The following SH3GL2 variants were observed in gnomAD, a reference collection of about 807,000 sequenced individuals.
SH3GL2 encodes the protein SH3 domain containing GRB2 like 2, endophilin A1.
SH3GL2 carries 24 observed loss-of-function variants against 46.0 expected under a neutral mutation model. The observed-to-expected ratio is 0.52, with a 90% CI of 0.38 to 0.73. The LOEUF is 0.73. Ranked by LOEUF, SH3GL2 falls within the 30% of genes least tolerant of loss-of-function variation. The probability of loss-of-function intolerance (pLI) is 0.00; values close to 1 mark genes in which losing one functional copy is unlikely to be tolerated. For missense variants in SH3GL2, 413 were observed against 424.2 expected (o/e 0.97, Z 0.23); for synonymous variants, 196 against 147.1 (o/e 1.33, Z -2.40).
chr9:17,795,349 G>A (rs1824245361), intron 8 of SH3GL2, among the ~76,000 whole-genome samples, 195 bp from the exon 9 acceptor site: 1 of 152,216 alleles, frequency 6.6e-6, no homozygotes, highest in Non-Finnish European at 1.5e-5. Flanking sequence ...AGCTTCTGAG[G>A]ATTGGTAGAG....
rs940708579 is a variant in SH3GL2 at position 17,588,496 on chromosome 9, A to G, written c.45+9209A>G. On this transcript the variant is annotated intron_variant, in intron 1 of 8. Transcript: ENST00000380607. Reference sequence around the variant, plus strand: ...AAAAATCAGAGAGATTGGAAGTATGAGCAGGACTGGACATGCTGTTGTTGG... The same window carrying G: ...AAAAATCAGAGAGATTGGAAGTATGGGCAGGACTGGACATGCTGTTGTTGG... 3.9e-5 allele frequency among the ~76,000 whole-genome samples: 6 copies of G among 152,190 alleles called. No homozygotes were observed. The East Asian group carries it at 1.2e-3, about 29-fold the overall frequency.
chr9:17,594,404 C>G (rs1818535592), intron 1 of SH3GL2, among the ~76,000 whole-genome samples: 1 of 151,216 alleles, frequency 6.6e-6, no homozygotes, highest in South Asian at 2.1e-4. Flanking sequence ...TTACCCTTCC[C>G]TCATTTAGTG....
intron 3 of SH3GL2, among the ~76,000 whole-genome samples, chr9:17,783,694 G>T (rs1186011764): frequency 6.6e-6 from 1 of 152,106 alleles, no homozygotes; most frequent in Non-Finnish European, 1.5e-5. Context: ...GCCCTTTTGG[G>T]AATAGGTCAG....
intron 1 of SH3GL2, among the ~76,000 whole-genome samples, chr9:17,607,990 A>C (rs973002896): frequency 6.6e-6 from 1 of 152,130 alleles, no homozygotes; most frequent in African/African-American, 2.4e-5. Context: ...ATGGTGAAGA[A>C]ATTCAAGATT....
chr9:17,745,402 A>G (rs1822653531), intron 1 of SH3GL2, among the ~76,000 whole-genome samples: 1 of 152,192 alleles, frequency 6.6e-6, no homozygotes, highest in African/African-American at 2.4e-5. Flanking sequence ...TATACCATGT[A>G]GGTTCAGACA....
rs531721387 is a variant in SH3GL2, at chr9:17,594,852, T to C, written c.45+15565T>C. ...TTGTTGAATGAATACATAGCTTCTG[T>C]TTCTGTTGATCCTTATGTATATTTA... On this transcript the variant is annotated intron_variant, in intron 1 of 8. Transcript: ENST00000380607. Among the ~76,000 whole-genome samples, 27 of 152,298 alleles carry C rather than the reference T, an allele frequency of 1.8e-4. No individual in the cohort carries two copies. The South Asian group carries it at 5.0e-3, about 28-fold the overall frequency.
At chr9:17,706,545 T>C (rs944042903) in intron 1 of SH3GL2, among the ~76,000 whole-genome samples, 7 of 152,216 alleles carry the variant, frequency 4.6e-5, no homozygotes, top group Admixed American at 2.0e-4. Context: ...GGTAAACTTT[T>C]ATGGTCATTT....
intron 3 of SH3GL2, among the ~76,000 whole-genome samples, chr9:17,783,475 A>G (rs944035595): frequency 7.9e-5 from 12 of 151,732 alleles, no homozygotes; most frequent in African/African-American, 2.9e-4. Context: ...CAGGGCTAGC[A>G]GAGCTTCCAT....
chr9:17,681,005 T>G (rs1820752695), intron 1 of SH3GL2, among the ~76,000 whole-genome samples: 1 of 152,178 alleles, frequency 6.6e-6, no homozygotes, highest in South Asian at 2.1e-4. Context: ...CAGTTTGTTG[T>G]AATTTCTGTT....
chr9:17,634,433 A>G (rs1027883660), intron 1 of SH3GL2, among the ~76,000 whole-genome samples: 2 of 152,174 alleles, frequency 1.3e-5, no homozygotes, highest in African/African-American at 4.8e-5. Flanking sequence ...TATGTTGGCC[A>G]TTTGGAGAAG....
intron 1 of SH3GL2, among the ~76,000 whole-genome samples, chr9:17,678,385 G>A (rs1386191102): frequency 3.9e-5 from 6 of 152,106 alleles, no homozygotes; most frequent in Non-Finnish European, 8.8e-5. Flanking sequence ...CTGATGGTCA[G>A]TGATGATGAG....
chr9:17,750,921 G>T lies in SH3GL2; in HGVS notation c.114+3787G>T, dbSNP rs148150240. 4.2e-3 allele frequency among the ~76,000 whole-genome samples: 641 copies of T among 152,274 alleles called. 5 individuals are homozygous for T. Among genetic ancestry groups the T allele is most frequent in the Admixed American group, 0.011 (162 of 15,298 alleles). On this transcript the variant is annotated intron_variant, in intron 2 of 8. Coordinates refer to ENST00000380607, the MANE Select transcript of SH3GL2 (RefSeq NM_003026.5). ...AGTACCTTACAGAACATAGTGCTTG[G>T]TGTCCTGGGGAGGTTTCCCATGGAA...
At chr9:17,659,050 A>T (rs1184815281) in intron 1 of SH3GL2, among the ~76,000 whole-genome samples, 1 of 152,212 alleles carries the variant, frequency 6.6e-6, no homozygotes, top group Non-Finnish European at 1.5e-5. Flanking sequence ...GAAAATGGTG[A>T]TGGAAGATTT....
chr9:17,789,416 C>T lies in SH3GL2; in HGVS notation c.490C>T (p.Arg164Ter), dbSNP rs1471921718. The T allele has an allele frequency of 5.0e-6, 8 of 1,613,260 alleles. No individual in the cohort carries two copies. The highest frequency in any genetic ancestry group is 6.8e-6 in the Non-Finnish European group (8 of 1,179,498). The change falls in exon 6 of 9, where the codon CGA becomes TGA. Residue 164 changes from arginine to a stop codon, truncating the protein, a stop_gained. Coordinates refer to ENST00000380607, the MANE Select transcript of SH3GL2 (RefSeq NM_003026.5). LOFTEE classifies it high-confidence loss of function. Reference protein sequence around the residue: ...IQHHLKKLEGRRLDFDYKKKR... With the variant: ...IQHHLKKLEG ...GCATCATCTAAAGAAGTTGGAGGGT[C>T]GACGCCTGGATTTTGATTATAAGAA...
chr9:17,646,365 CCTACTT>C (rs1183155849), intron 1 of SH3GL2, among the ~76,000 whole-genome samples: 1 of 152,012 alleles, frequency 6.6e-6, no homozygotes, highest in Non-Finnish European at 1.5e-5. Flanking sequence ...CCTTCTGAAG[CCTACTT>C]CTGTCAATTT....
chr9:17,732,390 C>T (rs1037876894), intron 1 of SH3GL2, among the ~76,000 whole-genome samples: 4 of 152,100 alleles, frequency 2.6e-5, no homozygotes, highest in African/African-American at 9.6e-5. Flanking sequence ...ATAAGCAGAT[C>T]AAATTAGTAT....
At chr9:17,583,970 G>A (rs976346505) in intron 1 of SH3GL2, among the ~76,000 whole-genome samples, 2 of 152,158 alleles carry the variant, frequency 1.3e-5, no homozygotes, top group African/African-American at 2.4e-5. Flanking sequence ...CCTCTAAGCA[G>A]TCAACTCTCT....
At chr9:17,785,543 T>A (rs1476608083) in intron 3 of SH3GL2, among the ~76,000 whole-genome samples, 1 of 152,184 alleles carries the variant, frequency 6.6e-6, no homozygotes, top group Non-Finnish European at 1.5e-5. Context: ...AGATGGGATT[T>A]GGGGTATAGT....
chr9:17,641,431 G>GA (rs1819679540), intron 1 of SH3GL2, among the ~76,000 whole-genome samples: 1 of 152,054 alleles, frequency 6.6e-6, no homozygotes, highest in African/African-American at 2.4e-5. Context: ...GAGAAACCTT[G>GA]AAAACTTTAC....
Sources: allele counts gnomAD v4.1 joint callset (sites outside exome capture counted in the v4.1 genomes callset), GRCh38; gene constraint gnomAD v4.1.1; transcripts MANE v1.5; gene names NCBI Gene and HGNC (gene_info 2026-07-23, HGNC 2026-07-21).